Variants in DGKB observed in about 807,000 individuals in gnomAD.
DGKB encodes the protein diacylglycerol kinase beta.
Under a neutral mutation model 114.3 loss-of-function variants are expected in DGKB, and 67 were observed. The ratio of observed to expected loss-of-function variants is 0.59; its 90% confidence interval spans 0.48 to 0.72. The LOEUF (loss-of-function observed/expected upper bound fraction) is 0.72. Among genes scored for constraint, DGKB ranks in the 30% least tolerant of loss-of-function variants. The pLI is 0.00. For synonymous variants in DGKB, 398 were observed against 323.1 expected, an observed-to-expected ratio of 1.23 and a Z score of -2.49; for missense variants, 907 against 975.2, an observed-to-expected ratio of 0.93 and a Z score of 0.93.
intron 23 of DGKB, among the ~76,000 whole-genome samples, chr7:14,260,333 G>A (rs1796587070): frequency 6.6e-6 from 1 of 152,154 alleles, no homozygotes; most frequent in Non-Finnish European, 1.5e-5. Context: ...ATTATGGTAT[G>A]AATTTGGATT....
At chr7:14,708,460 A>C (rs1234106489) in intron 6 of DGKB, among the ~76,000 whole-genome samples, 1 of 146,732 alleles carries the variant, frequency 6.8e-6, no homozygotes, top group African/African-American at 2.6e-5. Context: ...ATTGGAAAAA[A>C]CTACTTTAAA....
intron 4 of DGKB, chr7:14,750,098 G>A (rs776173888): frequency 1.5e-5 from 8 of 516,424 alleles, no homozygotes; most frequent in South Asian, 9.9e-5. Context: ...CAAAACCTAT[G>A]GACAAAGAAA....
chr7:14,758,422 A>T (rs1835200602), intron 2 of DGKB, among the ~76,000 whole-genome samples: 1 of 152,110 alleles, frequency 6.6e-6, no homozygotes, highest in South Asian at 2.1e-4. Context: ...AAATATGCTC[A>T]TTATACTTAT....
chr7:14,833,423 T>C (rs1211670284), intron 2 of DGKB, among the ~76,000 whole-genome samples: 1 of 152,116 alleles, frequency 6.6e-6, no homozygotes. Context: ...TATGTTTGTG[T>C]TTTTATGAAG....
intron 23 of DGKB, among the ~76,000 whole-genome samples, chr7:14,233,384 T>C (rs1034270567): frequency 6.6e-6 from 1 of 152,034 alleles, no homozygotes. Flanking sequence ...TTTGCTACTT[T>C]GTAAAGCAAT....
intron 25 of DGKB, among the ~76,000 whole-genome samples, chr7:14,164,575 T>A (rs1176635912): frequency 6.6e-6 from 1 of 152,218 alleles, no homozygotes; most frequent in African/African-American, 2.4e-5. Flanking sequence ...CATAATTTTC[T>A]TTTTATGTAA....
At chr7:14,456,411 T>C (rs1832294039) in intron 21 of DGKB, among the ~76,000 whole-genome samples, 1 of 152,076 alleles carries the variant, frequency 6.6e-6, no homozygotes, top group Non-Finnish European at 1.5e-5. Context: ...TACCTAGTGG[T>C]AACTCAAGCT....
intron 21 of DGKB, among the ~76,000 whole-genome samples, chr7:14,455,387 A>G (rs1832128449): frequency 2.0e-5 from 3 of 152,040 alleles, no homozygotes; most frequent in Admixed American, 1.3e-4. Flanking sequence ...GAATGAATAA[A>G]AACAGATGTG....
At chr7:14,599,312 A>G (rs935115589) in intron 17 of DGKB, among the ~76,000 whole-genome samples, 4 of 152,262 alleles carry the variant, frequency 2.6e-5, no homozygotes, top group African/African-American at 9.6e-5. Context: ...TATTATGGTC[A>G]CAATAATCCT....
At chr7:14,292,581 C>T (rs116577852) in intron 23 of DGKB, among the ~76,000 whole-genome samples, 1,770 of 152,222 alleles carry the variant, frequency 0.012, 35 homozygotes, top group African/African-American at 0.041. Context: ...TATACCATTC[C>T]GTCTTTGGGA....
chr7:14,876,569 T>C (rs1435260366), intron 1 of DGKB, among the ~76,000 whole-genome samples: 2 of 152,184 alleles, frequency 1.3e-5, no homozygotes, highest in Non-Finnish European at 2.9e-5. Context: ...ACTTCTTAGG[T>C]TTCTTAGATT....
At chr7:14,665,926 T>G (rs1817939097) in intron 13 of DGKB, among the ~76,000 whole-genome samples, 1 of 152,054 alleles carries the variant, frequency 6.6e-6, no homozygotes. Context: ...TATCGATTTC[T>G]GTGACCTCAC....
intron 13 of DGKB, among the ~76,000 whole-genome samples, chr7:14,667,927 A>G (rs554280538): frequency 4.4e-4 from 67 of 152,236 alleles, no homozygotes; most frequent in African/African-American, 1.6e-3. Flanking sequence ...GAAGGGCTTG[A>G]CACAACAAGT....
chr7:14,658,417 G>C (rs1350563611), intron 13 of DGKB, among the ~76,000 whole-genome samples: 1 of 151,918 alleles, frequency 6.6e-6, no homozygotes, highest in Non-Finnish European at 1.5e-5. Flanking sequence ...GATGGGAAGA[G>C]TTTGCATGTT....
At chr7:14,878,248 T>C (rs1214182067) in intron 1 of DGKB, among the ~76,000 whole-genome samples, 1 of 152,242 alleles carries the variant, frequency 6.6e-6, no homozygotes, top group East Asian at 1.9e-4. Context: ...TTTGATTTTA[T>C]CTGCATTCAC....
chr7:14,765,551 A>G (rs1463416589), intron 2 of DGKB, among the ~76,000 whole-genome samples: 1 of 151,878 alleles, frequency 6.6e-6, no homozygotes, highest in Non-Finnish European at 1.5e-5. Flanking sequence ...TCATCTATCT[A>G]CATCTAATGT....
chr7:14,251,458 C>T (rs1795225949), intron 23 of DGKB, among the ~76,000 whole-genome samples: 1 of 152,074 alleles, frequency 6.6e-6, no homozygotes, highest in Non-Finnish European at 1.5e-5. Flanking sequence ...TGTATCCATT[C>T]ACAAATTACT....
intron 1 of DGKB, among the ~76,000 whole-genome samples, chr7:14,847,436 C>T (rs1848790127): frequency 1.3e-5 from 2 of 151,960 alleles, no homozygotes; most frequent in Admixed American, 1.3e-4. Flanking sequence ...TACAGAATTG[C>T]TGAAGAAGTA....
chr7:14,884,678 TACC>T (rs1854751736), intron 1 of DGKB, among the ~76,000 whole-genome samples: 1 of 151,910 alleles, frequency 6.6e-6, no homozygotes, highest in South Asian at 2.1e-4. Context: ...CTCTGTAAAT[TACC>T]ACCAAGTATA....
Sources: gnomAD v4.1 joint callset for allele counts (sites outside exome capture counted in the v4.1 genomes callset) on GRCh38, gnomAD v4.1.1 for gene constraint, MANE v1.5 for transcripts, NCBI Gene and HGNC (gene_info 2026-07-23, HGNC 2026-07-21) for gene names.